Variants in CMTM8 observed in about 807,000 individuals in gnomAD.
CMTM8 encodes CKLF-like MARVEL transmembrane domain-containing protein 8.
A neutral mutation model predicts 18.6 loss-of-function variants in CMTM8; 12 were observed. The observed-to-expected ratio is 0.65, with a 90% CI of 0.41 to 1.05. The LOEUF is 1.05. Ranked by LOEUF, CMTM8 falls within the 50% of genes least tolerant of loss-of-function variation. The pLI, the probability that CMTM8 is intolerant of heterozygous loss-of-function variation, is 0.00. For missense variants in CMTM8, 217 were observed against 227.2 expected, an observed-to-expected ratio of 0.95 and a Z score of 0.29; for synonymous variants, 87 against 90.6, an observed-to-expected ratio of 0.96 and a Z score of 0.23.
intron 1 of CMTM8, among the ~76,000 whole-genome samples, chr3:32,327,053 T>G (rs1696174088): frequency 6.6e-6 from 1 of 152,074 alleles, no homozygotes; most frequent in African/African-American, 2.4e-5. Context: ...TGTGCATGGC[T>G]TCCTTAGTTG....
chr3:32,328,455 G>C (rs1183613637), intron 1 of CMTM8, among the ~76,000 whole-genome samples: 1 of 43,254 alleles, frequency 2.3e-5, no homozygotes, highest in Non-Finnish European at 4.3e-5. Flanking sequence ...GGAGGTCAAG[G>C]CTCAAGGCTG....
At chr3:32,312,960 G>T (rs145987818) in intron 1 of CMTM8, among the ~76,000 whole-genome samples, 150 of 152,150 alleles carry the variant, frequency 9.9e-4, no homozygotes, top group African/African-American at 3.5e-3. Context: ...TATTCCTATT[G>T]CTCTAATCAC....
intron 1 of CMTM8, chr3:32,260,254 T>G: frequency 1.5e-6 from 2 of 1,293,332 alleles, no homozygotes; most frequent in African/African-American, 1.5e-5. Flanking sequence ...GGGTACCCTT[T>G]GGGGATCAGG....
At chr3:32,346,084 G>A (rs1438683977) in intron 1 of CMTM8, among the ~76,000 whole-genome samples, 1 of 152,166 alleles carries the variant, frequency 6.6e-6, no homozygotes, top group Non-Finnish European at 1.5e-5. Context: ...AACCCAGGAG[G>A]TGGAGGTTGT....
chr3:32,253,479 G>T (rs1478370967), intron 1 of CMTM8, among the ~76,000 whole-genome samples: 2 of 150,872 alleles, frequency 1.3e-5, no homozygotes, highest in African/African-American at 4.9e-5. Context: ...CTAGTAGCTG[G>T]GATTACAGTC....
At chr3:32,298,837 ATGTGTG>A (rs148915696) in intron 1 of CMTM8, among the ~76,000 whole-genome samples, 1 of 140,050 alleles carries the variant, frequency 7.1e-6, no homozygotes, top group Non-Finnish European at 1.5e-5. Flanking sequence ...GTGTATATAT[ATGTGTG>A]TGTGTATATA....
At chr3:32,341,258 G>A (rs900461105) in intron 1 of CMTM8, among the ~76,000 whole-genome samples, 1 of 152,190 alleles carries the variant, frequency 6.6e-6, no homozygotes, top group African/African-American at 2.4e-5. Context: ...GGCTTCTGTT[G>A]CCTTTACTAG....
intron 1 of CMTM8, among the ~76,000 whole-genome samples, chr3:32,288,317 T>G (rs560077363): frequency 2.3e-4 from 35 of 152,158 alleles, no homozygotes; most frequent in Non-Finnish European, 4.1e-4. Context: ...AGGGACTTAC[T>G]CTGTCACTCA....
chr3:32,297,467 A>AT (rs1553604376), intron 1 of CMTM8, among the ~76,000 whole-genome samples: 11 of 152,262 alleles, frequency 7.2e-5, no homozygotes, highest in Non-Finnish European at 8.8e-5. Context: ...GGCGTGAGCC[A>AT]CCGTGCCTGG....
intron 1 of CMTM8, among the ~76,000 whole-genome samples, chr3:32,319,074 A>ATATATATGTATTTTTTT: frequency 6.3e-5 from 2 of 31,530 alleles, no homozygotes; most frequent in African/African-American, 1.5e-4. Context: ...ATATATATAT[A>ATATATATGTATTTTTTT]TTTTTTTTTT....
At chr3:32,354,195 A>T (rs1459092034) in intron 1 of CMTM8, among the ~76,000 whole-genome samples, 1 of 152,200 alleles carries the variant, frequency 6.6e-6, no homozygotes, top group Non-Finnish European at 1.5e-5. Flanking sequence ...CAGGGAAAAC[A>T]AACAGTATTT....
At chr3:32,296,718 T>C (rs1041377235) in intron 1 of CMTM8, among the ~76,000 whole-genome samples, 3 of 152,248 alleles carry the variant, frequency 2.0e-5, no homozygotes, top group Non-Finnish European at 4.4e-5. Context: ...TTGTGTAATG[T>C]GCCCATGTTG....
chr3:32,291,248 C>A (rs1186535976), intron 1 of CMTM8, among the ~76,000 whole-genome samples: 5 of 152,072 alleles, frequency 3.3e-5, no homozygotes, highest in Admixed American at 6.5e-5. Context: ...CCTGCCTCAG[C>A]CTCCTGAGTA....
chr3:32,305,377 A>T (rs1344371571), intron 1 of CMTM8, among the ~76,000 whole-genome samples: 1 of 151,852 alleles, frequency 6.6e-6, no homozygotes, highest in East Asian at 1.9e-4. Flanking sequence ...CACAACTAGG[A>T]GGGTGGTATT....
intron 1 of CMTM8, among the ~76,000 whole-genome samples, chr3:32,323,965 G>C (rs755116233): frequency 6.6e-6 from 1 of 152,222 alleles, no homozygotes; most frequent in Non-Finnish European, 1.5e-5. Flanking sequence ...AAACTGACCA[G>C]TTCTGCTAGT....
In CMTM8 at chr3:32,309,300, ATT is replaced by A. The variant is rs4038996; in HGVS notation, c.148-48050_148-48049del. On this transcript the variant is annotated intron_variant, in intron 1 of 3. Transcript: ENST00000307526. ...GGCTGAGCTCTCAACCAATTTACCAATTTTTTTTTTTTTTTTTTTTTTTTCGA... is the reference window on the plus strand; with the variant it reads ...GGCTGAGCTCTCAACCAATTTACCAATTTTTTTTTTTTTTTTTTTTTTCGA... 5.2e-3 allele frequency among the ~76,000 whole-genome samples: 497 copies of A among 96,382 alleles called. 3 individuals are homozygous for A. Among genetic ancestry groups the A allele is most frequent in the African/African-American group, 0.015 (368 of 24,196 alleles). 63.2% of individuals were successfully genotyped at this position (96,382 alleles called of 152,430 possible). A position where few individuals can be genotyped will look rare whatever the true frequency, so the allele number is the denominator to read the frequency against.
chr3:32,288,217 A>G lies in CMTM8; in HGVS notation c.147+49098A>G, dbSNP rs1458922633. ...TTTAGATGATGGGTCCTTGCTCTCA[A>G]GGAGCTTACAACTTAATTGAGGAGC... is the stretch of plus-strand genomic sequence containing the variant. On this transcript the variant is annotated intron_variant, in intron 1 of 3. Coordinates refer to ENST00000307526, the MANE Select transcript of CMTM8 (RefSeq NM_178868.5). 2.0e-5 allele frequency among the ~76,000 whole-genome samples: 3 copies of G among 152,206 alleles called. No homozygotes were observed. The East Asian group carries it at 5.8e-4, about 29-fold the overall frequency.
At chr3:32,369,594 A>G (rs1403798383) in intron 3 of CMTM8, among the ~76,000 whole-genome samples, 1 of 152,214 alleles carries the variant, frequency 6.6e-6, no homozygotes, top group Non-Finnish European at 1.5e-5. Context: ...GTGCTACATT[A>G]GAAATGATAC....
rs558094691 is a variant in CMTM8, at chr3:32,277,400, CT to C, written c.147+38291del. Among the ~76,000 whole-genome samples, 1,160 of 147,976 alleles carry C rather than the reference CT, an allele frequency of 7.8e-3. 12 individuals carry two copies. Among genetic ancestry groups the C allele is most frequent in the African/African-American group, 0.027 (1,079 of 40,274 alleles). On this transcript the variant is annotated intron_variant, in intron 1 of 3. Coordinates refer to ENST00000307526, the MANE Select transcript of CMTM8 (RefSeq NM_178868.5). ...TGTCTTTCTTTCTTTTTTTATTTTCCTTTTTTTTTTCTTTTTTTGTTGAGAC... is the reference window on the plus strand; with the variant it reads ...TGTCTTTCTTTCTTTTTTTATTTTCCTTTTTTTTTCTTTTTTTGTTGAGAC...
Sources: allele counts gnomAD v4.1 joint callset (sites outside exome capture counted in the v4.1 genomes callset), GRCh38; gene constraint gnomAD v4.1.1; transcripts MANE v1.5; gene names NCBI Gene and HGNC (gene_info 2026-07-23, HGNC 2026-07-21).